The following TEAD4 variants were observed in gnomAD, a reference collection of about 807,000 sequenced individuals.
The protein encoded by TEAD4 is transcriptional enhancer factor TEF-3.
TEAD4 carries 36 observed loss-of-function variants against 52.4 expected under a neutral mutation model. That is an observed-to-expected ratio of 0.69 (90% CI 0.53 to 0.91). TEAD4 has a LOEUF of 0.91. Ranked by LOEUF, TEAD4 falls within the 40% of genes least tolerant of loss-of-function variation. The pLI, the probability that TEAD4 is intolerant of heterozygous loss-of-function variation, is 0.00. For missense variants in TEAD4, 508 were observed against 583.9 expected (o/e 0.87, Z 1.34); for synonymous variants, 220 against 231.0 (o/e 0.95, Z 0.43).
chr12:2,985,012 T>C (rs1565529209), intron 2 of TEAD4, among the ~76,000 whole-genome samples: 1 of 152,242 alleles, frequency 6.6e-6, no homozygotes, highest in Non-Finnish European at 1.5e-5. Flanking sequence ...GTATTTAAAA[T>C]GATTTTTCTT....
At chr12:2,999,358 A>G (rs748157447) in intron 3 of TEAD4, among the ~76,000 whole-genome samples, 1 of 151,852 alleles carries the variant, frequency 6.6e-6, no homozygotes, top group African/African-American at 2.4e-5. Flanking sequence ...CCGGTGGGGT[A>G]TGGGGTGGGG....
intron 2 of TEAD4, among the ~76,000 whole-genome samples, chr12:2,962,301 A>AATATATAAATATAT (rs1555118307): frequency 1.0e-4 from 3 of 29,574 alleles, no homozygotes; most frequent in Admixed American, 8.9e-4. Context: ...TATATATATA[A>AATATATAAATATAT]ATATAAATAT....
intron 2 of TEAD4, among the ~76,000 whole-genome samples, chr12:2,966,712 A>G (rs2098220641): frequency 6.7e-6 from 1 of 149,494 alleles, no homozygotes; most frequent in East Asian, 2.0e-4. Flanking sequence ...TGCCCGGCGT[A>G]TTTCTTTTTT....
chr12:3,022,160 T>C, intron 10 of TEAD4, 143 bp downstream of exon 10: 1 of 1,152,892 alleles, frequency 8.7e-7, no homozygotes, highest in Admixed American at 2.3e-5. Flanking sequence ...AAGCCCAGCA[T>C]GGCTATGGGA....
chr12:3,005,208 G>T (rs886779826), intron 3 of TEAD4, among the ~76,000 whole-genome samples: 11 of 152,272 alleles, frequency 7.2e-5, no homozygotes, highest in African/African-American at 2.7e-4. Context: ...GTTACTGGAG[G>T]CTGGGGCGGG....
At chr12:3,014,444 A>G (rs1283422331) in intron 5 of TEAD4, among the ~76,000 whole-genome samples, 1 of 152,234 alleles carries the variant, frequency 6.6e-6, no homozygotes, top group Non-Finnish European at 1.5e-5. Flanking sequence ...GCAAATTTTC[A>G]TGTATATGTG....
At chr12:2,979,127 G>A (rs1216720048) in intron 2 of TEAD4, among the ~76,000 whole-genome samples, 1 of 152,016 alleles carries the variant, frequency 6.6e-6, no homozygotes, top group African/African-American at 2.4e-5. Flanking sequence ...TGTTGGCCAG[G>A]CTGGTCTCGA....
chr12:3,036,894 A>T (rs2098279743), intron 10 of TEAD4, among the ~76,000 whole-genome samples: 1 of 152,060 alleles, frequency 6.6e-6, no homozygotes, highest in Non-Finnish European at 1.5e-5. Context: ...GGTTTGGGAC[A>T]AGTATTGGGG....
intron 7 of TEAD4, among the ~76,000 whole-genome samples, 181 bp from the exon 8 acceptor site, chr12:3,018,928 GCTGTGT>G (rs1445854818): frequency 6.6e-6 from 1 of 152,008 alleles, no homozygotes; most frequent in Non-Finnish European, 1.5e-5. Flanking sequence ...CAGCAGACAC[GCTGTGT>G]CTGTGGACCC....
chr12:2,998,901 C>T (rs765695133), intron 3 of TEAD4, among the ~76,000 whole-genome samples: 18 of 152,154 alleles, frequency 1.2e-4, no homozygotes, highest in Non-Finnish European at 2.2e-4. Context: ...CTCTGACAAC[C>T]GCCCAGCCCC....
At chr12:2,984,271 G>A (rs1369459196) in intron 2 of TEAD4, among the ~76,000 whole-genome samples, 4 of 152,178 alleles carry the variant, frequency 2.6e-5, no homozygotes, top group Non-Finnish European at 5.9e-5. Context: ...ACAAAGAAAA[G>A]GCATTGAAAA....
intron 10 of TEAD4, among the ~76,000 whole-genome samples, chr12:3,029,806 G>A (rs141054684): frequency 2.8e-4 from 43 of 152,322 alleles, no homozygotes; most frequent in African/African-American, 9.9e-4. Flanking sequence ...GGAGCTCTTC[G>A]TGCAAGGTAG....
At chr12:3,002,700 A>G (rs1374436539) in intron 3 of TEAD4, among the ~76,000 whole-genome samples, 1 of 152,218 alleles carries the variant, frequency 6.6e-6, no homozygotes, top group Non-Finnish European at 1.5e-5. Flanking sequence ...AATGCACAGC[A>G]CGGGGTGAGG....
intron 3 of TEAD4, among the ~76,000 whole-genome samples, chr12:3,001,074 T>G (rs565786292): frequency 3.3e-5 from 5 of 152,218 alleles, no homozygotes; most frequent in African/African-American, 1.2e-4. Flanking sequence ...GCCTGGAGAC[T>G]TGATGACGGG....
Position 3,021,993 on chromosome 12 carries a change from T to C in TEAD4, c.873T>C (p.Asn291=), listed in dbSNP as rs2098269041. 4 of 1,614,182 alleles carry C rather than the reference T, an allele frequency of 2.5e-6. No individual in the cohort carries two copies. The East Asian group carries it at 8.9e-5, about 36-fold the overall frequency. ...ATCTCTTCGAACGGGGACCCTCCAA[T>C]GCCTTTTTTCTTGTGAAGTTCTGGG... The change falls in exon 10 of 13, where the codon AAT becomes AAC. Residue 291 remains asparagine, a synonymous_variant. Transcript: ENST00000359864.
intron 2 of TEAD4, among the ~76,000 whole-genome samples, chr12:2,976,654 C>T (rs1366547112): frequency 2.6e-5 from 4 of 152,082 alleles, no homozygotes; most frequent in Non-Finnish European, 4.4e-5. Context: ...ACGCCCCTGA[C>T]GCCGAAGGGG....
chr12:2,978,196 C>T (rs557110776), intron 2 of TEAD4, among the ~76,000 whole-genome samples: 3 of 152,030 alleles, frequency 2.0e-5, no homozygotes, highest in Non-Finnish European at 4.4e-5. Flanking sequence ...TCTCCTGGTG[C>T]GCTTTAAACA....
chr12:3,038,521 C>T (rs924648115), intron 11 of TEAD4, among the ~76,000 whole-genome samples: 1 of 152,194 alleles, frequency 6.6e-6, no homozygotes, highest in Admixed American at 6.5e-5. Context: ...GATCTCTGTC[C>T]CCTGCTCACT....
intron 2 of TEAD4, among the ~76,000 whole-genome samples, chr12:2,965,008 C>T (rs370466330): frequency 4.6e-5 from 7 of 152,174 alleles, no homozygotes; most frequent in East Asian, 3.9e-4. Context: ...GGAGTGACCC[C>T]AGAACCACTG....
Sources: allele counts gnomAD v4.1 joint callset (sites outside exome capture counted in the v4.1 genomes callset), GRCh38; gene constraint gnomAD v4.1.1; transcripts MANE v1.5; gene names NCBI Gene and HGNC (gene_info 2026-07-23, HGNC 2026-07-21).